ZDHHC7: variants seen among roughly 807,000 people sequenced by gnomAD.
ZDHHC7 encodes the protein zDHHC palmitoyltransferase 7.
ZDHHC7 carries 12 observed loss-of-function variants against 34.1 expected under a neutral mutation model. That is an observed-to-expected ratio of 0.35 (90% CI 0.23 to 0.57). The LOEUF (loss-of-function observed/expected upper bound fraction) is 0.57. Among genes scored for constraint, ZDHHC7 ranks in the 20% least tolerant of loss-of-function variants. The pLI is 0.84. For synonymous variants in ZDHHC7, 185 were observed against 155.4 expected (o/e 1.19, Z -1.42); for missense variants, 388 against 402.7 (o/e 0.96, Z 0.31).
chr16:84,976,361 GCCA>G lies in ZDHHC7; in HGVS notation c.906_908del (p.Gly303del). ...CCACGCCTCACACTGAGAACTCCGG[GCCA>G]CCTTTTCTGGGTCTCGTGGGCAGTC... On this transcript the variant is annotated inframe_deletion, in exon 8 of 8. Transcript: ENST00000313732. 1 of 1,614,012 alleles carries G rather than the reference GCCA, an allele frequency of 6.2e-7. No individual in the cohort carries two copies. Among genetic ancestry groups the G allele is most frequent in the Non-Finnish European group, 8.5e-7 (1 of 1,180,006 alleles).
the ZDHHC7 span, among the ~76,000 whole-genome samples, chr16:85,019,524 C>A: frequency 3.3e-5 from 5 of 152,144 alleles, no homozygotes; most frequent in Non-Finnish European, 1.5e-5. Flanking sequence ...TCGAGACCAG[C>A]CTGGCCAATA....
upstream of ZDHHC7, among the ~76,000 whole-genome samples, chr16:85,013,951 G>C (rs1361593393): frequency 1.3e-5 from 2 of 152,166 alleles, no homozygotes; most frequent in Admixed American, 6.5e-5. Context: ...GCCTCCCAAA[G>C]TGCTGGGATT....
upstream of ZDHHC7, among the ~76,000 whole-genome samples, chr16:85,015,801 C>G (rs935917140): frequency 6.6e-6 from 1 of 151,228 alleles, no homozygotes. Flanking sequence ...CCCACCACTG[C>G]ACTCCAGCTA....
At chr16:85,014,052 T>C (rs1003322434), upstream of ZDHHC7, among the ~76,000 whole-genome samples, 3 of 152,176 alleles carry the variant, frequency 2.0e-5, no homozygotes, top group Non-Finnish European at 4.4e-5. Flanking sequence ...ATAAGGAGTT[T>C]TCTTTTCCTC....
At chr16:84,988,638 C>T (rs2143627664) in intron 3 of ZDHHC7, 1 of 814,344 alleles carries the variant, frequency 1.2e-6, no homozygotes, top group South Asian at 1.6e-5. Context: ...AGCTGGACTG[C>T]TGAGTAGCTG....
intron 1 of ZDHHC7, among the ~76,000 whole-genome samples, chr16:85,008,820 C>T (rs547939459): frequency 2.2e-4 from 33 of 151,250 alleles, no homozygotes; most frequent in Admixed American, 4.6e-4. Context: ...CTGAGGCAGG[C>T]GGATCACCAG....
intron 1 of ZDHHC7, among the ~76,000 whole-genome samples, chr16:85,009,821 G>A (rs1290063857): frequency 6.8e-6 from 1 of 146,512 alleles, no homozygotes; most frequent in Non-Finnish European, 1.5e-5. Flanking sequence ...TGATTCTCTT[G>A]CCTTAGCCTC....
intron 5 of ZDHHC7, 55 bp from the exon 6 acceptor site, chr16:84,978,060 C>T (rs2072321234): frequency 7.0e-7 from 1 of 1,422,246 alleles, no homozygotes; most frequent in Non-Finnish European, 9.8e-7. Flanking sequence ...TTTTTAGAAA[C>T]AGAGTCTCCC....
At chr16:85,005,494 T>C (rs141076374) in intron 1 of ZDHHC7, among the ~76,000 whole-genome samples, 6 of 152,314 alleles carry the variant, frequency 3.9e-5, no homozygotes, top group Admixed American at 1.3e-4. Context: ...GATGACAAAA[T>C]TGAGTCTTAG....
intron 4 of ZDHHC7, 80 bp from the exon 5 acceptor site, chr16:84,979,365 G>A: frequency 6.5e-7 from 1 of 1,532,494 alleles, no homozygotes; most frequent in Non-Finnish European, 8.7e-7. Flanking sequence ...ATCAAAGGTG[G>A]AGGAAAATTA....
At chr16:85,008,641 G>A (rs143880798) in intron 1 of ZDHHC7, among the ~76,000 whole-genome samples, 8 of 152,046 alleles carry the variant, frequency 5.3e-5, no homozygotes, top group East Asian at 1.9e-4. Context: ...TGTTACAACC[G>A]AAGGGTCACA....
At chr16:85,007,224 G>T (rs2072729181) in intron 1 of ZDHHC7, among the ~76,000 whole-genome samples, 1 of 151,924 alleles carries the variant, frequency 6.6e-6, no homozygotes, top group Admixed American at 6.5e-5. Flanking sequence ...AGGAGTTCAA[G>T]ATCAGCCTGG....
upstream of ZDHHC7, among the ~76,000 whole-genome samples, chr16:85,013,754 T>C (rs762960422): frequency 3.3e-5 from 5 of 152,148 alleles, no homozygotes; most frequent in Non-Finnish European, 7.3e-5. Context: ...AGTGGTGTGA[T>C]CTCAGCTCGC....
At chr16:85,014,309 T>C (rs2072825567), upstream of ZDHHC7, among the ~76,000 whole-genome samples, 3 of 152,066 alleles carry the variant, frequency 2.0e-5, no homozygotes, top group South Asian at 6.2e-4. Context: ...TATAGAGAAA[T>C]AGTTTAGGGA....
At chr16:85,013,144 C>T (rs34168095), upstream of ZDHHC7, among the ~76,000 whole-genome samples, 11 of 152,098 alleles carry the variant, frequency 7.2e-5, no homozygotes, top group South Asian at 2.1e-3. Context: ...TATTAAGTTT[C>T]TTCCCATATA....
chr16:85,024,274 T>C, the ZDHHC7 span, among the ~76,000 whole-genome samples: 278 of 134,828 alleles, frequency 2.1e-3, 1 homozygote, highest in Non-Finnish European at 3.0e-3. Context: ...CTCTGTTGCC[T>C]AGGCTAGAGT....
At chr16:85,014,859 G>A (rs1029981870), upstream of ZDHHC7, among the ~76,000 whole-genome samples, 1 of 152,230 alleles carries the variant, frequency 6.6e-6, no homozygotes, top group South Asian at 2.1e-4. Flanking sequence ...CAATGAATAC[G>A]TGTAAGATGT....
intron 6 of ZDHHC7, among the ~76,000 whole-genome samples, chr16:84,977,622 A>G (rs765729380): frequency 6.6e-6 from 1 of 152,208 alleles, no homozygotes; most frequent in Non-Finnish European, 1.5e-5. Context: ...TATCTAAGGT[A>G]GGATAACGAG....
intron 1 of ZDHHC7, among the ~76,000 whole-genome samples, chr16:84,998,257 G>C (rs1157314155): frequency 7.3e-6 from 1 of 137,672 alleles, no homozygotes; most frequent in Admixed American, 7.1e-5. Flanking sequence ...GAGCGAGACT[G>C]TCTCAAAAAA....
Sources: allele counts gnomAD v4.1 joint callset (sites outside exome capture counted in the v4.1 genomes callset), GRCh38; gene constraint gnomAD v4.1.1; transcripts MANE v1.5; gene names NCBI Gene and HGNC (gene_info 2026-07-23, HGNC 2026-07-21).